The following ACVR1 variants were observed in gnomAD, a reference collection of about 807,000 sequenced individuals.
The protein encoded by ACVR1 is activin A receptor type 1, also known as activin receptor type-1.
A neutral mutation model predicts 57.1 loss-of-function variants in ACVR1; 38 were observed. The observed-to-expected ratio is 0.67, with a 90% confidence interval of 0.51 to 0.87. The LOEUF (loss-of-function observed/expected upper bound fraction) is 0.87, where lower values mean the gene tolerates loss of function less well. ACVR1 is among the 40% of genes least tolerant of loss of function. The probability of loss-of-function intolerance (pLI) is 0.00; values close to 1 mark genes in which losing one functional copy is unlikely to be tolerated. For missense variants in ACVR1, 463 were observed against 638.2 expected (o/e 0.73, Z 2.96); for synonymous variants, 212 against 228.1 (o/e 0.93, Z 0.63).
At chr2:157,797,946 G>A (rs1208329936) in intron 3 of ACVR1, among the ~76,000 whole-genome samples, 10 of 152,188 alleles carry the variant, frequency 6.6e-5, no homozygotes, top group Non-Finnish European at 1.2e-4. Flanking sequence ...CAGAGAAGGT[G>A]CCGTCTATGA....
In ACVR1 at chr2:157,843,355, C is replaced by T. The variant is rs182290448; in HGVS notation, c.-182-24796G>A. On this transcript the variant is annotated intron_variant, in intron 1 of 10. Transcript: ENST00000434821. ...TAATTATCACTAGTGCCTTGGTTTT[C>T]CCTAAAAAATGAGTAATAATAGCAG... Among the ~76,000 whole-genome samples the T allele has an allele frequency of 4.2e-3, 636 of 152,228 alleles. 5 individuals carry two copies. The highest frequency in any genetic ancestry group is 0.01 in the Middle Eastern group (3 of 294).
intron 2 of ACVR1, among the ~76,000 whole-genome samples, chr2:157,814,782 G>C (rs926483661): frequency 6.6e-6 from 1 of 152,052 alleles, no homozygotes; most frequent in Non-Finnish European, 1.5e-5. Flanking sequence ...GGAATACCAG[G>C]TATTTACTAA....
chr2:157,768,739 A>T (rs894062082), intron 7 of ACVR1, among the ~76,000 whole-genome samples: 1 of 152,208 alleles, frequency 6.6e-6, no homozygotes, highest in Admixed American at 6.5e-5. Context: ...GTTAAGAGTT[A>T]GGCTGCCTGA....
rs752706903 is a variant in ACVR1, at chr2:157,774,074, A to T, written c.643+14T>A. 1 of 1,611,524 alleles carries T rather than the reference A, an allele frequency of 6.2e-7. No homozygotes were observed. Among genetic ancestry groups the T allele is most frequent in the South Asian group, 1.1e-5 (1 of 91,028 alleles). ...TTGCATATTACCCACAAAGAAAGGAAAAAAAAGAATTACCGACACACTCCA... is the reference window on the plus strand; with the variant it reads ...TTGCATATTACCCACAAAGAAAGGATAAAAAAGAATTACCGACACACTCCA... On this transcript the variant is annotated intron_variant, in intron 6 of 10. Transcript: ENST00000434821.
intron 3 of ACVR1, among the ~76,000 whole-genome samples, chr2:157,789,275 A>G (rs1439987017): frequency 6.6e-6 from 1 of 152,164 alleles, no homozygotes; most frequent in Admixed American, 6.5e-5. Context: ...CAAACACACA[A>G]TCCCTCCCCT....
At chr2:157,840,467 T>C (rs1688939055) in intron 1 of ACVR1, among the ~76,000 whole-genome samples, 1 of 152,252 alleles carries the variant, frequency 6.6e-6, no homozygotes, top group Non-Finnish European at 1.5e-5. Flanking sequence ...TTGTGAGAAC[T>C]TACTTTTTCA....
At chr2:157,839,778 T>C (rs1311798785) in intron 1 of ACVR1, among the ~76,000 whole-genome samples, 1 of 152,170 alleles carries the variant, frequency 6.6e-6, no homozygotes, top group African/African-American at 2.4e-5. Context: ...AAGAACTTAG[T>C]ACTTTTTGAG....
chr2:157,855,358 G>T, intron 1 of ACVR1, among the ~76,000 whole-genome samples: 1 of 139,622 alleles, frequency 7.2e-6, no homozygotes, highest in African/African-American at 2.6e-5. Context: ...AAATTAGCCG[G>T]ACGTGGTGGC....
At chr2:157,819,561 CA>C (rs1688084879) in intron 1 of ACVR1, 1 of 151,366 alleles carries the variant, frequency 6.6e-6, no homozygotes, top group Non-Finnish European at 1.5e-5. Context: ...TCTCCCGTTC[CA>C]AGATCCCTGG....
At chr2:157,803,665 G>T (rs1687407911) in intron 2 of ACVR1, among the ~76,000 whole-genome samples, 1 of 152,164 alleles carries the variant, frequency 6.6e-6, no homozygotes, top group South Asian at 2.1e-4. Context: ...GCGTTCATAT[G>T]TAAGTTGGCA....
At chr2:157,760,529 A>G (rs112691622) in intron 9 of ACVR1, among the ~76,000 whole-genome samples, 85 of 152,320 alleles carry the variant, frequency 5.6e-4, no homozygotes, top group African/African-American at 2.0e-3. Context: ...TGAGCACTAC[A>G]TATTACATAC....
chr2:157,807,658 G>A (rs544454138), intron 2 of ACVR1, among the ~76,000 whole-genome samples: 1 of 151,256 alleles, frequency 6.6e-6, no homozygotes, highest in South Asian at 2.1e-4. Flanking sequence ...TTCAAATCCC[G>A]CTTCTTCCCA....
intron 9 of ACVR1, among the ~76,000 whole-genome samples, chr2:157,743,978 T>C (rs1165230173): frequency 2.6e-5 from 4 of 152,190 alleles, no homozygotes; most frequent in Non-Finnish European, 5.9e-5. Context: ...TTGGAAAAAG[T>C]ACTTTTCAAG....
At chr2:157,862,976 T>C (rs1689769119) in intron 1 of ACVR1, among the ~76,000 whole-genome samples, 1 of 151,050 alleles carries the variant, frequency 6.6e-6, no homozygotes, top group Non-Finnish European at 1.5e-5. Context: ...ATTCTATGAA[T>C]ATATATAAAC....
At chr2:157,762,961 TC>T (rs1398330169) in intron 8 of ACVR1, among the ~76,000 whole-genome samples, 10 of 152,186 alleles carry the variant, frequency 6.6e-5, no homozygotes, top group East Asian at 1.9e-4. Flanking sequence ...GCTAAGTCAT[TC>T]CAAGATTCCT....
intron 2 of ACVR1, among the ~76,000 whole-genome samples, chr2:157,808,508 C>T (rs1048848819): frequency 9.2e-5 from 14 of 152,084 alleles, no homozygotes; most frequent in Admixed American, 9.2e-4. Flanking sequence ...AGGGTGTCAT[C>T]CAAGAGAGGC....
chr2:157,811,625 A>G (rs1468286230), intron 2 of ACVR1, among the ~76,000 whole-genome samples: 4 of 152,122 alleles, frequency 2.6e-5, no homozygotes, highest in African/African-American at 7.2e-5. Context: ...CACAGATGTC[A>G]TATCATTTCA....
At chr2:157,741,507 C>A (rs1473017407) in intron 9 of ACVR1, among the ~76,000 whole-genome samples, 12 of 151,714 alleles carry the variant, frequency 7.9e-5, no homozygotes. Context: ...TGCGTGTAGT[C>A]CAGGCAACTA....
chr2:157,803,415 T>G (rs1383253993), intron 2 of ACVR1, among the ~76,000 whole-genome samples: 3 of 152,076 alleles, frequency 2.0e-5, no homozygotes, highest in Non-Finnish European at 4.4e-5. Context: ...GTGCTTATCC[T>G]GACCAGTAAA....
Sources: gnomAD v4.1 joint callset for allele counts (sites outside exome capture counted in the v4.1 genomes callset) on GRCh38, gnomAD v4.1.1 for gene constraint, MANE v1.5 for transcripts, NCBI Gene and HGNC (gene_info 2026-07-23, HGNC 2026-07-21) for gene names.